Variants in FYB1 observed in about 807,000 individuals in gnomAD.
FYB1 encodes FYN-binding protein 1.
Under a neutral mutation model 94.1 loss-of-function variants are expected in FYB1, and 41 were observed. That is an observed-to-expected ratio of 0.44 (90% CI 0.34 to 0.57). The LOEUF (loss-of-function observed/expected upper bound fraction) is 0.57, where lower values mean the gene tolerates loss of function less well. Ranked by LOEUF, FYB1 falls within the 20% of genes least tolerant of loss-of-function variation. The pLI, the probability that FYB1 is intolerant of heterozygous loss-of-function variation, is 0.02. For synonymous variants in FYB1, 367 were observed against 353.2 expected (o/e 1.04, Z -0.44); for missense variants, 1,050 against 976.8 (o/e 1.07, Z -1.00).
chr5:39,217,048 C>A (rs758916926), intron 1 of FYB1, among the ~76,000 whole-genome samples: 6 of 152,182 alleles, frequency 3.9e-5, no homozygotes, highest in Admixed American at 3.9e-4. Context: ...TCCTTGACTT[C>A]CAGAGCTTCC....
rs537957797 is a variant in FYB1 at position 39,118,985 on chromosome 5, T to C, written c.2290A>G (p.Thr764Ala). 1.4e-5 allele frequency: 21 copies of C among 1,549,102 alleles called. No homozygotes were observed. The Admixed American group carries it at 3.4e-4, about 25-fold the overall frequency. The change falls in exon 16 of 19, where the codon ACT (threonine) becomes GCT (alanine). Residue 764 changes from threonine to alanine, a missense_variant. Thr to Ala is a moderately conservative substitution (Grantham distance 58). Transcript: ENST00000512982. Reference sequence around the variant, plus strand: ...TCTCTGGTTCCCCACTTTTTAGAAGTTATGGAAGTTGTAACTTTAGTTGAA... The same window carrying C: ...TCTCTGGTTCCCCACTTTTTAGAAGCTATGGAAGTTGTAACTTTAGTTGAA... ...LYSTKVTTSI[T>A]SKKWGTRDLQ...
intron 2 of FYB1, among the ~76,000 whole-genome samples, chr5:39,168,315 C>T (rs1428373624): frequency 2.0e-5 from 3 of 152,118 alleles, no homozygotes; most frequent in Non-Finnish European, 4.4e-5. Context: ...ACCTTTGTTT[C>T]TGTAGTTCAT....
chr5:39,217,348 A>G (rs1749944600), intron 1 of FYB1, among the ~76,000 whole-genome samples: 1 of 152,198 alleles, frequency 6.6e-6, no homozygotes, highest in Admixed American at 6.5e-5. Flanking sequence ...TGCGTAAGGG[A>G]TCTGTCCAGG....
At chr5:39,268,146 A>T (rs1219494552) in intron 1 of FYB1, among the ~76,000 whole-genome samples, 1 of 152,162 alleles carries the variant, frequency 6.6e-6, no homozygotes, top group Non-Finnish European at 1.5e-5. Flanking sequence ...GACATTCTCG[A>T]AGGATCTGTA....
At chr5:39,261,259 C>G (rs1752194651) in intron 1 of FYB1, among the ~76,000 whole-genome samples, 1 of 145,946 alleles carries the variant, frequency 6.9e-6, no homozygotes, top group Admixed American at 7.0e-5. Context: ...ACCTATGTGA[C>G]AAACCTGCAC....
intron 1 of FYB1, among the ~76,000 whole-genome samples, chr5:39,245,399 G>A (rs1250882956): frequency 6.6e-6 from 1 of 152,172 alleles, no homozygotes; most frequent in Non-Finnish European, 1.5e-5. Flanking sequence ...GAGACAGAAT[G>A]GAGAATAACA....
At chr5:39,229,074 G>A (rs1201181813) in intron 1 of FYB1, among the ~76,000 whole-genome samples, 2 of 152,112 alleles carry the variant, frequency 1.3e-5, no homozygotes, top group African/African-American at 2.4e-5. Context: ...TAGGACTGGG[G>A]TCTGTCCTGA....
intron 3 of FYB1, among the ~76,000 whole-genome samples, chr5:39,148,380 G>GTTTTTTTTTT (rs1561176115): frequency 1.5e-5 from 1 of 66,464 alleles, no homozygotes; most frequent in Non-Finnish European, 2.6e-5. Context: ...ATTATCAGCA[G>GTTTTTTTTTT]GTTTTTTTTT....
intron 2 of FYB1, chr5:39,169,614 G>T (rs969908980): frequency 2.2e-6 from 1 of 451,776 alleles, no homozygotes; most frequent in South Asian, 1.7e-5. Context: ...GGAGGCCGAG[G>T]CGGGTGGATT....
chr5:39,268,169 T>C (rs1268750683), intron 1 of FYB1, among the ~76,000 whole-genome samples: 1 of 152,140 alleles, frequency 6.6e-6, no homozygotes, highest in Non-Finnish European at 1.5e-5. Context: ...AACCTGGTGA[T>C]TGTCCCTTAG....
intron 2 of FYB1, among the ~76,000 whole-genome samples, chr5:39,167,607 T>G (rs1744857174): frequency 6.6e-6 from 1 of 152,208 alleles, no homozygotes; most frequent in Non-Finnish European, 1.5e-5. Flanking sequence ...ATAGTCCAGG[T>G]TTGTTCAGTC....
At chr5:39,175,404 G>A (rs1357805074) in intron 2 of FYB1, among the ~76,000 whole-genome samples, 1 of 152,294 alleles carries the variant, frequency 6.6e-6, no homozygotes, top group East Asian at 1.9e-4. Context: ...ATTCTATCAA[G>A]AAAGTGACTC....
At chr5:39,211,016 T>C (rs1017694878) in intron 1 of FYB1, 5 of 152,238 alleles carry the variant, frequency 3.3e-5, no homozygotes, top group African/African-American at 1.2e-4. Flanking sequence ...CACTTATTTT[T>C]CTTATTCTAT....
chr5:39,118,100 C>T (rs376728914), intron 16 of FYB1, among the ~76,000 whole-genome samples: 3 of 152,042 alleles, frequency 2.0e-5, no homozygotes, highest in East Asian at 1.9e-4. Flanking sequence ...GACTAGGTCT[C>T]GCTATGTTGC....
chr5:39,206,192 C>T (rs908847256), intron 1 of FYB1, among the ~76,000 whole-genome samples: 2 of 152,186 alleles, frequency 1.3e-5, no homozygotes, highest in African/African-American at 4.8e-5. Context: ...GAAAGAGCAA[C>T]ATGTTCCTAT....
chr5:39,175,338 C>T (rs757871680), intron 2 of FYB1, among the ~76,000 whole-genome samples: 6 of 152,100 alleles, frequency 3.9e-5, no homozygotes, highest in East Asian at 1.9e-4. Flanking sequence ...GAGAAGACTC[C>T]GGTTGATTGA....
At chr5:39,155,784 G>A (rs1743693493) in intron 2 of FYB1, among the ~76,000 whole-genome samples, 1 of 151,972 alleles carries the variant, frequency 6.6e-6, no homozygotes, top group Non-Finnish European at 1.5e-5. Context: ...GGTGATTGTT[G>A]TTGTTGCTCC....
chr5:39,124,073 A>G (rs1740387674), intron 13 of FYB1, among the ~76,000 whole-genome samples, 180 bp downstream of exon 13: 1 of 152,144 alleles, frequency 6.6e-6, no homozygotes, highest in South Asian at 2.1e-4. Flanking sequence ...AATTTTTCTC[A>G]TCTTGCTATT....
intron 1 of FYB1, among the ~76,000 whole-genome samples, chr5:39,267,252 T>G (rs1174514041): frequency 6.6e-6 from 1 of 152,190 alleles, no homozygotes; most frequent in African/African-American, 2.4e-5. Context: ...TATTTGGGGC[T>G]GAAATACAGG....
Sources: allele counts gnomAD v4.1 joint callset (sites outside exome capture counted in the v4.1 genomes callset), GRCh38; gene constraint gnomAD v4.1.1; transcripts MANE v1.5; gene names NCBI Gene and HGNC (gene_info 2026-07-23, HGNC 2026-07-21).